SMU1: variants seen among roughly 807,000 people sequenced by gnomAD.
SMU1 encodes SMU1 DNA replication regulator and spliceosomal factor.
A neutral mutation model predicts 62.0 loss-of-function variants in SMU1; 2 were observed. The observed-to-expected ratio is 0.03, with a 90% CI of 0.01 to 0.10. The LOEUF is 0.10. Among genes scored for constraint, SMU1 ranks in the 10% least tolerant of loss-of-function variants. The pLI is 1.00. For missense variants in SMU1, 227 were observed against 622.1 expected (o/e 0.36, Z 6.76); for synonymous variants, 188 against 212.4 (o/e 0.89, Z 1.00).
intron 10 of SMU1, among the ~76,000 whole-genome samples, 172 bp from the exon 11 acceptor site, chr9:33,048,430 T>TA (rs1839209471): frequency 6.6e-6 from 1 of 152,226 alleles, no homozygotes. Context: ...GCCTGGGAAA[T>TA]ATTCAATAGA....
At chr9:33,052,571 T>C (rs1032815736) in intron 10 of SMU1, among the ~76,000 whole-genome samples, 1 of 152,152 alleles carries the variant, frequency 6.6e-6, no homozygotes, top group African/African-American at 2.4e-5. Flanking sequence ...TCCAGGCCAA[T>C]AATCCAATAG....
intron 5 of SMU1, among the ~76,000 whole-genome samples, chr9:33,061,789 T>C (rs1839364679): frequency 6.6e-6 from 1 of 152,190 alleles, no homozygotes; most frequent in Non-Finnish European, 1.5e-5. Context: ...AAATGCAGGC[T>C]TCTTGGGAAG....
At chr9:33,051,641 T>A (rs1404549957) in intron 10 of SMU1, among the ~76,000 whole-genome samples, 1 of 152,176 alleles carries the variant, frequency 6.6e-6, no homozygotes, top group Non-Finnish European at 1.5e-5. Flanking sequence ...TAAAAGTCTA[T>A]TTTTTAAAAA....
intron 4 of SMU1, 114 bp downstream of exon 4, chr9:33,068,709 TG>T (rs1839453774): frequency 1.7e-6 from 2 of 1,203,594 alleles, no homozygotes; most frequent in South Asian, 3.0e-5. Flanking sequence ...CTCACAATGT[TG>T]CTTAGGCTGG....
At chr9:33,059,591 G>A (rs903131102) in intron 6 of SMU1, among the ~76,000 whole-genome samples, 1 of 145,740 alleles carries the variant, frequency 6.9e-6, no homozygotes, top group Non-Finnish European at 1.5e-5. Flanking sequence ...ACTCTGTTTT[G>A]TTTTGTTTTG....
rs760771779 is a variant in SMU1 at position 33,071,912 on chromosome 9, CA to C, written c.238-21del. ...AACAACCTGGACAATTAAAAAAAAA[CA>C]AAAAAAACCCCAGATGTTTCAACAC... is the stretch of plus-strand genomic sequence containing the variant. On this transcript the variant is annotated intron_variant, in intron 2 of 11. Transcript: ENST00000397149. The C allele has an allele frequency of 1.3e-5, 20 of 1,492,686 alleles. No homozygotes were observed. Among genetic ancestry groups the C allele is most frequent in the South Asian group, 5.5e-5 (4 of 73,300 alleles). 92.5% of individuals were successfully genotyped at this position (1,492,686 alleles called of 1,614,324 possible).
At position 33,044,311 on chromosome 9, in the gene SMU1, T is replaced by G. The variant is rs1025248673; in HGVS notation, c.*2982A>C. The G allele has an allele frequency of 9.8e-5, 15 of 152,356 alleles. No individual in the cohort carries two copies. Among genetic ancestry groups the G allele is most frequent in the Admixed American group, 2.6e-4 (4 of 15,280 alleles). 9.4% of individuals were successfully genotyped at this position (152,356 alleles called of 1,614,324 possible). ...CCCTTAAGACGATGTGACCGCCAATTTTGTAACAGTGACGTCACCCGACGT... is the reference window on the plus strand; with the variant it reads ...CCCTTAAGACGATGTGACCGCCAATGTTGTAACAGTGACGTCACCCGACGT... On this transcript the variant is annotated 3_prime_UTR_variant, in exon 12 of 12. Transcript: ENST00000397149.
At chr9:33,068,659 C>T (rs112092445) in intron 4 of SMU1, among the ~76,000 whole-genome samples, 165 bp downstream of exon 4, 5 of 152,204 alleles carry the variant, frequency 3.3e-5, no homozygotes, top group African/African-American at 9.6e-5. Context: ...CACACCCCAC[C>T]ATAACCCGCT....
chr9:33,061,979 G>A, intron 5 of SMU1, 70 bp downstream of exon 5: 1 of 1,538,594 alleles, frequency 6.5e-7, no homozygotes, highest in Non-Finnish European at 8.9e-7. Flanking sequence ...CCCTGGCACA[G>A]GGCCTGGCTG....
intron 9 of SMU1, among the ~76,000 whole-genome samples, chr9:33,055,285 T>G (rs994173969): frequency 7.2e-5 from 11 of 152,164 alleles, no homozygotes; most frequent in African/African-American, 2.4e-4. Flanking sequence ...CGAGTGATCC[T>G]TTCACCTCAG....
At chr9:33,074,974 T>C (rs12375977) in intron 1 of SMU1, among the ~76,000 whole-genome samples, 9,903 of 152,204 alleles carry the variant, frequency 0.065, 421 homozygotes, top group Non-Finnish European at 0.099. Flanking sequence ...GGTTTTGCCA[T>C]GTTGACCATG....
intron 4 of SMU1, among the ~76,000 whole-genome samples, chr9:33,063,359 T>G (rs1404439648): frequency 6.6e-6 from 1 of 150,406 alleles, no homozygotes; most frequent in Non-Finnish European, 1.5e-5. Flanking sequence ...TGAGACTGTC[T>G]CCAAAAAAAA....
At chr9:33,072,689 C>T (rs1335769422) in intron 2 of SMU1, among the ~76,000 whole-genome samples, 2 of 150,090 alleles carry the variant, frequency 1.3e-5, no homozygotes, top group African/African-American at 2.5e-5. Flanking sequence ...CTTAGCTGGG[C>T]GTGGTGATGC....
At chr9:33,058,732 T>C (rs977111165) in intron 6 of SMU1, among the ~76,000 whole-genome samples, 1 of 151,726 alleles carries the variant, frequency 6.6e-6, no homozygotes, top group Non-Finnish European at 1.5e-5. Flanking sequence ...GGGTCAAAAA[T>C]TAAACATAAA....
chr9:33,047,918 T>G (rs1044733096), intron 11 of SMU1, among the ~76,000 whole-genome samples, 188 bp downstream of exon 11: 23 of 151,946 alleles, frequency 1.5e-4, no homozygotes, highest in Admixed American at 2.6e-4. Context: ...CCACCGAGAT[T>G]TGGGGATCAT....
intron 4 of SMU1, among the ~76,000 whole-genome samples, chr9:33,067,822 TCA>T (rs1260091142): frequency 6.6e-6 from 1 of 152,130 alleles, no homozygotes; most frequent in Non-Finnish European, 1.5e-5. Flanking sequence ...CTTTTGAATC[TCA>T]GAGTCACTGC....
rs749026086 is a variant in SMU1 at position 33,046,892 on chromosome 9, C to CA, written c.*400dup. The CA allele has an allele frequency of 0.092, 8,630 of 94,036 alleles. 295 individuals are homozygous for CA. Among genetic ancestry groups the CA allele is most frequent in the Non-Finnish European group, 0.11 (5,099 of 46,014 alleles). The allele number at this position is 94,036 out of a possible 1,614,324, so 5.8% of individuals were successfully genotyped here. On this transcript the variant is annotated 3_prime_UTR_variant, in exon 12 of 12. Coordinates refer to ENST00000397149, the MANE Select transcript of SMU1 (RefSeq NM_018225.3). ...CTGGGCAACAAGCAAAACTCCATCTCAAAAAAAAAAAAAAAGATGGAACAG... is the reference window on the plus strand; with the variant it reads ...CTGGGCAACAAGCAAAACTCCATCTCAAAAAAAAAAAAAAAAGATGGAACAG...
chr9:33,069,993 G>A (rs1297522529), intron 3 of SMU1, among the ~76,000 whole-genome samples: 1 of 151,898 alleles, frequency 6.6e-6, no homozygotes, highest in Non-Finnish European at 1.5e-5. Context: ...GAGTGTGGTG[G>A]CACACACCAG....
chr9:33,051,495 C>T (rs907903675), intron 10 of SMU1, among the ~76,000 whole-genome samples: 3 of 152,092 alleles, frequency 2.0e-5, no homozygotes, highest in African/African-American at 7.2e-5. Flanking sequence ...AATGCAGGTT[C>T]ATCAGTTGTA....
Sources: gnomAD v4.1 joint callset for allele counts (sites outside exome capture counted in the v4.1 genomes callset) on GRCh38, gnomAD v4.1.1 for gene constraint, MANE v1.5 for transcripts, NCBI Gene and HGNC (gene_info 2026-07-23, HGNC 2026-07-21) for gene names.